Variants in SPATA6 observed in about 807,000 individuals in gnomAD.
The protein encoded by SPATA6 is spermatogenesis associated 6, also known as spermatogenesis-associated protein 6.
In SPATA6, 56 loss-of-function variants were observed where a neutral mutation model predicts 65.3. The ratio of observed to expected loss-of-function variants is 0.86; its 90% CI spans 0.69 to 1.07. SPATA6 has a LOEUF of 1.07. SPATA6 is among the 50% of genes least tolerant of loss of function. The pLI is 0.00. For missense variants in SPATA6, 590 were observed against 594.8 expected, an observed-to-expected ratio of 0.99 and a Z score of 0.08; for synonymous variants, 199 against 213.2, an observed-to-expected ratio of 0.93 and a Z score of 0.58.
intron 11 of SPATA6, among the ~76,000 whole-genome samples, chr1:48,338,069 C>A (rs1344480320): frequency 6.6e-6 from 1 of 151,876 alleles, no homozygotes; most frequent in Admixed American, 6.6e-5. Context: ...AGAGTTACTA[C>A]AAACCTATAG....
the SPATA6 span, among the ~76,000 whole-genome samples, chr1:48,286,363 C>G: frequency 2.6e-5 from 4 of 152,078 alleles, no homozygotes; most frequent in African/African-American, 9.7e-5. Context: ...TTTTATGATT[C>G]TCAGCATTAA....
At chr1:48,397,883 G>A (rs1339842442) in intron 7 of SPATA6, among the ~76,000 whole-genome samples, 2 of 151,514 alleles carry the variant, frequency 1.3e-5, no homozygotes, top group African/African-American at 2.4e-5. Context: ...TCTAAACACT[G>A]ACATAAAAAG....
At chr1:48,270,970 A>C in the SPATA6 span, among the ~76,000 whole-genome samples, 207 of 152,268 alleles carry the variant, frequency 1.4e-3, 1 homozygote, top group African/African-American at 4.7e-3. Flanking sequence ...TTCTAGATTA[A>C]GTTGGTTGCA....
the SPATA6 span, among the ~76,000 whole-genome samples, chr1:48,266,073 T>C: frequency 1.3e-5 from 2 of 152,208 alleles, no homozygotes; most frequent in African/African-American, 4.8e-5. Context: ...CTAATTTCCT[T>C]TCCTATTCAA....
chr1:48,371,572 A>G (rs1647291283), intron 9 of SPATA6, among the ~76,000 whole-genome samples: 1 of 152,194 alleles, frequency 6.6e-6, no homozygotes, highest in Non-Finnish European at 1.5e-5. Context: ...CCTCCACTAT[A>G]TGGTAACACA....
intron 1 of SPATA6, among the ~76,000 whole-genome samples, chr1:48,469,200 T>C (rs1658030698): frequency 6.6e-6 from 1 of 152,194 alleles, no homozygotes. Flanking sequence ...GTCAATTTAT[T>C]TTCAATTTTT....
At chr1:48,461,872 C>T (rs1657456531) in intron 1 of SPATA6, among the ~76,000 whole-genome samples, 1 of 152,210 alleles carries the variant, frequency 6.6e-6, no homozygotes, top group Admixed American at 6.5e-5. Context: ...ATAAACCATG[C>T]TGCTGTAAAG....
intron 11 of SPATA6, among the ~76,000 whole-genome samples, chr1:48,341,793 G>GT (rs1321623001): frequency 6.6e-6 from 1 of 152,174 alleles, no homozygotes; most frequent in African/African-American, 2.4e-5. Context: ...ATGGTGCATG[G>GT]TAAGTGCTTA....
intron 11 of SPATA6, among the ~76,000 whole-genome samples, chr1:48,326,346 T>C (rs1645758994): frequency 6.6e-6 from 1 of 152,122 alleles, no homozygotes; most frequent in Non-Finnish European, 1.5e-5. Flanking sequence ...ACTGTTGAAA[T>C]TGTAAGTGAC....
At chr1:48,421,650 T>A (rs1653351436) in intron 3 of SPATA6, among the ~76,000 whole-genome samples, 2 of 152,018 alleles carry the variant, frequency 1.3e-5, no homozygotes, top group African/African-American at 2.4e-5. Flanking sequence ...TTACTATATA[T>A]CAACCCCACC....
intron 11 of SPATA6, among the ~76,000 whole-genome samples, chr1:48,331,660 C>A (rs1114192): frequency 6.6e-5 from 10 of 152,108 alleles, no homozygotes; most frequent in African/African-American, 2.4e-4. Flanking sequence ...TTCACAGTAT[C>A]GTCCATGAGA....
chr1:48,349,596 TA>T (rs1557596279), intron 11 of SPATA6, among the ~76,000 whole-genome samples: 1 of 151,924 alleles, frequency 6.6e-6, no homozygotes, highest in Admixed American at 6.6e-5. Flanking sequence ...ATCACTCCCA[TA>T]CCAATCATAA....
chr1:48,269,235 C>G, the SPATA6 span, among the ~76,000 whole-genome samples: 7 of 152,242 alleles, frequency 4.6e-5, no homozygotes, highest in South Asian at 2.1e-4. Flanking sequence ...CAAGTACTAT[C>G]TCTACTGACT....
At chr1:48,267,700 A>G in the SPATA6 span, among the ~76,000 whole-genome samples, 1 of 145,704 alleles carries the variant, frequency 6.9e-6, no homozygotes, top group Non-Finnish European at 1.5e-5. Flanking sequence ...GTTCTTCTGC[A>G]GTGTGTTCCT....
chr1:48,306,323 C>T (rs1645061971), intron 11 of SPATA6, among the ~76,000 whole-genome samples: 1 of 151,850 alleles, frequency 6.6e-6, no homozygotes, highest in Admixed American at 6.6e-5. Flanking sequence ...ACTTATTAAT[C>T]AAAAGCCAAA....
In SPATA6 at chr1:48,472,055, G is replaced by A. The variant is rs1658309290; in HGVS notation, c.-47C>T. 3 of 1,421,494 alleles carry A rather than the reference G, an allele frequency of 2.1e-6. No individual in the cohort carries two copies. Among genetic ancestry groups the A allele is most frequent in the Admixed American group, 2.5e-5 (1 of 39,764 alleles). 88.1% of individuals were successfully genotyped at this position (1,421,494 alleles called of 1,614,324 possible). Reference sequence around the variant, plus strand: ...GGAGTGACCCCGGCCACGGGCCCGAGTGAGGCGGGGAGACCTGGGGCTGGG... The same window carrying A: ...GGAGTGACCCCGGCCACGGGCCCGAATGAGGCGGGGAGACCTGGGGCTGGG... On this transcript the variant is annotated 5_prime_UTR_variant, in exon 1 of 13. Transcript: ENST00000371847.
At chr1:48,369,107 G>T (rs940318676) in intron 9 of SPATA6, among the ~76,000 whole-genome samples, 1 of 152,166 alleles carries the variant, frequency 6.6e-6, no homozygotes, top group Admixed American at 6.5e-5. Context: ...CAGAACAGCG[G>T]ATTTTCGTGA....
intron 11 of SPATA6, among the ~76,000 whole-genome samples, chr1:48,308,388 T>C (rs1645113869): frequency 6.6e-6 from 1 of 152,106 alleles, no homozygotes. Flanking sequence ...TATTTTTACA[T>C]AAATTACATC....
intron 3 of SPATA6, among the ~76,000 whole-genome samples, chr1:48,440,915 C>A (rs755067641): frequency 6.6e-5 from 10 of 152,264 alleles, no homozygotes; most frequent in Middle Eastern, 3.4e-3. Flanking sequence ...AAAGAGAGAT[C>A]AGACAAAGGC....
Sources: gnomAD v4.1 joint callset for allele counts (sites outside exome capture counted in the v4.1 genomes callset) on GRCh38, gnomAD v4.1.1 for gene constraint, MANE v1.5 for transcripts, NCBI Gene and HGNC (gene_info 2026-07-23, HGNC 2026-07-21) for gene names.